ADAMTSL1: variants seen among roughly 807,000 people sequenced by gnomAD.
ADAMTSL1 encodes ADAMTS-like protein 1.
In ADAMTSL1, 126 loss-of-function variants were observed where a neutral mutation model predicts 201.8. That is an observed-to-expected ratio of 0.62 (90% CI 0.54 to 0.72). The LOEUF (loss-of-function observed/expected upper bound fraction) is 0.72, where lower values mean the gene tolerates loss of function less well. Ranked by LOEUF, ADAMTSL1 falls within the 30% of genes least tolerant of loss-of-function variation. The probability of loss-of-function intolerance (pLI) is 0.00; values close to 1 mark genes in which losing one functional copy is unlikely to be tolerated. For missense variants in ADAMTSL1, 2,679 were observed against 2,277.8 expected (o/e 1.18, Z -3.59); for synonymous variants, 1,121 against 903.4 (o/e 1.24, Z -4.32).
At chr9:18,585,588 C>G (rs546136623) in intron 4 of ADAMTSL1, among the ~76,000 whole-genome samples, 1 of 151,980 alleles carries the variant, frequency 6.6e-6, no homozygotes, top group African/African-American at 2.4e-5. Context: ...TATTATATGA[C>G]ACCCTTTTCT....
chr9:18,030,542 A>G (rs952914273), intron 1 of ADAMTSL1, among the ~76,000 whole-genome samples: 1 of 152,136 alleles, frequency 6.6e-6, no homozygotes, highest in African/African-American at 2.4e-5. Flanking sequence ...CCTAAAACTT[A>G]AAGTATAATA....
chr9:18,490,658 G>A (rs1563992842), intron 1 of ADAMTSL1, among the ~76,000 whole-genome samples: 1 of 152,124 alleles, frequency 6.6e-6, no homozygotes, highest in Non-Finnish European at 1.5e-5. Context: ...AAGAGTCTTG[G>A]GGATGACAGC....
rs2149919 is a variant in ADAMTSL1, at chr9:18,031,119, C to T, written c.87+124197C>T. The stretch of plus-strand genomic sequence containing the variant: ...CATTTTTTTCTTGAATTTTGTTAAG[C>T]TTCTTTGCCGTCCAGATTTTGAATT... On this transcript the variant is annotated intron_variant, in intron 1 of 29. Coordinates refer to the ADAMTSL1 transcript ENST00000680146. Among the ~76,000 whole-genome samples, 1,409 of 152,158 alleles carry T rather than the reference C, an allele frequency of 9.3e-3. 34 individuals carry two copies. Among genetic ancestry groups the T allele is most frequent in the Admixed American group, 0.056 (854 of 15,274 alleles).
intron 2 of ADAMTSL1, among the ~76,000 whole-genome samples, chr9:18,198,154 C>A (rs1349906273): frequency 6.6e-6 from 1 of 151,876 alleles, no homozygotes; most frequent in Non-Finnish European, 1.5e-5. Flanking sequence ...CCATAAAAAC[C>A]CTAGAAGAAA....
chr9:18,245,741 C>G (rs1159360657), intron 2 of ADAMTSL1, among the ~76,000 whole-genome samples: 1 of 150,776 alleles, frequency 6.6e-6, no homozygotes, highest in Non-Finnish European at 1.5e-5. Context: ...TAACAAAAAG[C>G]AAAGGAATCT....
intron 1 of ADAMTSL1, among the ~76,000 whole-genome samples, chr9:18,008,506 G>A (rs1819921774): frequency 6.6e-6 from 1 of 151,816 alleles, no homozygotes; most frequent in Admixed American, 6.6e-5. Flanking sequence ...TTTATTCCAT[G>A]GTATCAACAA....
Position 18,314,951 on chromosome 9 carries a change from C to G in ADAMTSL1, c.207+150970C>G, listed in dbSNP as rs544525894. ...AGCTGGGACTACAGGCGCCCGCTAC[C>G]ACGCCCGGCTAATTTTTTGTATTTT... On this transcript the variant is annotated intron_variant, in intron 2 of 29. Coordinates refer to the ADAMTSL1 transcript ENST00000680146. 3.2e-4 allele frequency among the ~76,000 whole-genome samples: 48 copies of G among 151,028 alleles called. 1 individual carries two copies. The East Asian group carries it at 8.4e-3, about 27-fold the overall frequency.
At chr9:18,054,011 T>C (rs1434212460) in intron 1 of ADAMTSL1, among the ~76,000 whole-genome samples, 1 of 152,234 alleles carries the variant, frequency 6.6e-6, no homozygotes, top group Non-Finnish European at 1.5e-5. Context: ...TTCAGAATAT[T>C]TCAGTAGCCT....
At chr9:18,222,819 T>C (rs1232029653) in intron 2 of ADAMTSL1, among the ~76,000 whole-genome samples, 1 of 151,988 alleles carries the variant, frequency 6.6e-6, no homozygotes, top group African/African-American at 2.4e-5. Context: ...TGAAAAGTAG[T>C]TTTCCTTGGT....
intron 21 of ADAMTSL1, among the ~76,000 whole-genome samples, chr9:18,822,943 T>A (rs539491772): frequency 4.6e-5 from 7 of 152,122 alleles, no homozygotes; most frequent in Non-Finnish European, 8.8e-5. Context: ...TTTTAAAGCG[T>A]CGTTGTCATC....
At chr9:18,488,719 C>T (rs1482928896) in intron 1 of ADAMTSL1, among the ~76,000 whole-genome samples, 1 of 152,146 alleles carries the variant, frequency 6.6e-6, no homozygotes, top group African/African-American at 2.4e-5. Context: ...GCAATTATTA[C>T]TCTCTCCCTG....
chr9:18,318,511 T>C (rs1834494720), intron 2 of ADAMTSL1, among the ~76,000 whole-genome samples: 1 of 152,194 alleles, frequency 6.6e-6, no homozygotes, highest in South Asian at 2.1e-4. Flanking sequence ...GGTTACAAGA[T>C]ATTGGCTTAG....
At chr9:18,852,990 A>T (rs1336106415) in intron 23 of ADAMTSL1, among the ~76,000 whole-genome samples, 1 of 152,174 alleles carries the variant, frequency 6.6e-6, no homozygotes, top group Non-Finnish European at 1.5e-5. Context: ...TCTAGCCAGG[A>T]GCAGTTTCCT....
In ADAMTSL1 at chr9:18,346,192, C is replaced by T. The variant is rs193212518; in HGVS notation, c.208-158637C>T. Among the ~76,000 whole-genome samples the T allele has an allele frequency of 7.4e-4, 113 of 152,230 alleles. 1 individual carries two copies. Among genetic ancestry groups the T allele is most frequent in the African/African-American group, 2.6e-3 (108 of 41,544 alleles). ...AACATGAATCCCTACAATGATGAGA[C>T]GATGAGGTAATCCTAGTGTTACCCC... On this transcript the variant is annotated intron_variant, in intron 2 of 29. Transcript: ENST00000680146.
chr9:18,721,908 G>A (rs564842929), intron 15 of ADAMTSL1, among the ~76,000 whole-genome samples: 1 of 152,332 alleles, frequency 6.6e-6, no homozygotes, highest in Non-Finnish European at 1.5e-5. Context: ...CTGTGGCATG[G>A]CTGGTATGTG....
At chr9:18,505,700 A>G (rs1823086479) in intron 2 of ADAMTSL1, among the ~76,000 whole-genome samples, 1 of 152,254 alleles carries the variant, frequency 6.6e-6, no homozygotes, top group Non-Finnish European at 1.5e-5. Context: ...TTTTAATGAA[A>G]GATTTTATTT....
chr9:18,166,265 G>T (rs35512056), intron 2 of ADAMTSL1, among the ~76,000 whole-genome samples: 22,324 of 151,816 alleles, frequency 0.15, 1,857 homozygotes, highest in East Asian at 0.24. Context: ...TCTGATAAAT[G>T]CTCATTTGTG....
rs563251820 is a variant in ADAMTSL1, at chr9:18,643,241, A to G, written c.834+3830A>G. ...GTCTTCTCTTGAGAAAAGTCTATTC[A>G]GATCCTTTGTTTATTTTTCAGTCAG... On this transcript the variant is annotated intron_variant, in intron 7 of 28. Transcript: ENST00000380548. 1.4e-4 allele frequency among the ~76,000 whole-genome samples: 22 copies of G among 152,020 alleles called. No homozygotes were observed. In the South Asian group the frequency reaches 1.5e-3, roughly 10 times the overall value.
At chr9:18,143,488 G>A (rs1402973062) in intron 1 of ADAMTSL1, among the ~76,000 whole-genome samples, 1 of 136,146 alleles carries the variant, frequency 7.3e-6, no homozygotes, top group Admixed American at 8.0e-5. Flanking sequence ...TATCAGAGCT[G>A]CCGTGTGCTT....
Sources: allele counts gnomAD v4.1 joint callset (sites outside exome capture counted in the v4.1 genomes callset), GRCh38; gene constraint gnomAD v4.1.1; transcripts MANE v1.5; gene names NCBI Gene and HGNC (gene_info 2026-07-23, HGNC 2026-07-21).